Variants in TENM3 observed in about 807,000 individuals in gnomAD.
TENM3 encodes teneurin transmembrane protein 3.
Under a neutral mutation model 255.1 loss-of-function variants are expected in TENM3, and 63 were observed. The ratio of observed to expected loss-of-function variants is 0.25; its 90% CI spans 0.20 to 0.30. TENM3 has a LOEUF of 0.30. Ranked by LOEUF, TENM3 falls within the 10% of genes least tolerant of loss-of-function variation. The probability of loss-of-function intolerance (pLI) is 1.00; values close to 1 mark genes in which losing one functional copy is unlikely to be tolerated. For missense variants in TENM3, 2,929 were observed against 3,461.1 expected (o/e 0.85, Z 3.86); for synonymous variants, 1,306 against 1,322.3 (o/e 0.99, Z 0.27).
chr4:182,411,965 G>T (rs571092023), intron 3 of TENM3, among the ~76,000 whole-genome samples: 1 of 152,306 alleles, frequency 6.6e-6, no homozygotes, highest in South Asian at 2.1e-4. Context: ...GGGTCTACTG[G>T]ACTCTGGGTA....
At chr4:182,293,442 G>GTGTAGGTGAATTAGGTGGAATTAAAGTAA (rs1462011899) in intron 1 of TENM3, among the ~76,000 whole-genome samples, 1 of 152,204 alleles carries the variant, frequency 6.6e-6, no homozygotes, top group African/African-American at 2.4e-5. Flanking sequence ...TTACAGTAAA[G>GTGTAGGTGAATTAGGTGGAATTAAAGTAA]AGGGTGGAAG....
chr4:182,681,910 T>G lies in TENM3; in HGVS notation c.1931T>G (p.Leu644Arg), dbSNP rs2152566914. 6.2e-7 allele frequency: 1 copy of G among 1,614,008 alleles called. No individual in the cohort carries two copies. The highest frequency in any genetic ancestry group is 2.2e-5 in the East Asian group (1 of 44,882). Residue 644 changes from leucine to arginine, a missense_variant, in exon 11 of 28, where the codon CTG becomes CGG. Leu to Arg is a moderately radical substitution (Grantham distance 102). Transcript: ENST00000511685. ...PGWGGSNCEI[L>R]KTMCPDQCSG... ...TGGGGAGGTAGCAATTGTGAAATAC[T>G]GAAGACCATGTGTCCAGACCAGTGC...
intron 5 of TENM3, among the ~76,000 whole-genome samples, chr4:182,635,738 A>C (rs1751789773): frequency 6.6e-6 from 1 of 152,234 alleles, no homozygotes; most frequent in Admixed American, 6.5e-5. Flanking sequence ...CAACATAAGC[A>C]TTCCCTAGAT....
Position 182,753,031 on chromosome 4 carries a change from C to T in TENM3, c.3863-419C>T, listed in dbSNP as rs568278111. On this transcript the variant is annotated intron_variant, in intron 20 of 27. Transcript: ENST00000511685. ...GTGCGATCTCGGCTCACTGCAACCT[C>T]CGCCTCCCGGGTTCAAGCCATTCTT... Among the ~76,000 whole-genome samples, 113 of 150,180 alleles carry T rather than the reference C, an allele frequency of 7.5e-4. 3 individuals are homozygous for T. In the South Asian group the frequency reaches 0.023, roughly 31 times the overall value.
At chr4:182,428,465 T>C (rs10050018) in intron 3 of TENM3, among the ~76,000 whole-genome samples, 106,360 of 151,234 alleles carry the variant, frequency 0.7, 37,801 homozygotes, top group East Asian at 0.92. Flanking sequence ...CCACGTTCAC[T>C]TTCCCAAAGA....
At chr4:181,953,007 A>G in the TENM3 span, among the ~76,000 whole-genome samples, 2,644 of 152,272 alleles carry the variant, frequency 0.017, 57 homozygotes, top group Non-Finnish European at 0.029. Flanking sequence ...GATTGCACAT[A>G]TGTTATCTCA....
chr4:182,624,776 G>A (rs998253871), intron 4 of TENM3, among the ~76,000 whole-genome samples: 1 of 152,184 alleles, frequency 6.6e-6, no homozygotes, highest in Middle Eastern at 3.2e-3. Context: ...ACTAGAATGA[G>A]AGGATTGAGG....
intron 3 of TENM3, among the ~76,000 whole-genome samples, chr4:182,503,672 C>T (rs148079926): frequency 4.1e-4 from 62 of 152,222 alleles, no homozygotes; most frequent in African/African-American, 1.4e-3. Context: ...GGCAGAAACT[C>T]AAGGGAGGAC....
At chr4:182,206,221 C>G (rs1754566214) in intron 1 of TENM3, among the ~76,000 whole-genome samples, 1 of 152,198 alleles carries the variant, frequency 6.6e-6, no homozygotes, top group African/African-American at 2.4e-5. Context: ...CTCCTCAGAG[C>G]AGGTTTCCTG....
chr4:182,651,706 A>AG (rs1490740033), intron 5 of TENM3, among the ~76,000 whole-genome samples: 2 of 152,138 alleles, frequency 1.3e-5, no homozygotes, highest in Non-Finnish European at 2.9e-5. Context: ...CAGAAAAAAA[A>AG]AAGAAAATCA....
the TENM3 span, among the ~76,000 whole-genome samples, chr4:181,830,555 A>G: frequency 6.6e-6 from 1 of 152,068 alleles, no homozygotes; most frequent in Non-Finnish European, 1.5e-5. Context: ...GTACAGGCAT[A>G]AGCCACTGTG....
At chr4:182,137,164 G>A in the TENM3 span, among the ~76,000 whole-genome samples, 1 of 152,154 alleles carries the variant, frequency 6.6e-6, no homozygotes, top group Non-Finnish European at 1.5e-5. Context: ...CACTCAAACT[G>A]CACCAAATTG....
chr4:181,823,038 T>G, the TENM3 span, among the ~76,000 whole-genome samples: 2 of 152,208 alleles, frequency 1.3e-5, no homozygotes, highest in Admixed American at 1.3e-4. Flanking sequence ...AATGGATTAA[T>G]TGAGACAGAT....
chr4:182,643,722 GATTTT>G, intron 5 of TENM3, among the ~76,000 whole-genome samples: 1 of 152,256 alleles, frequency 6.6e-6, no homozygotes, highest in African/African-American at 2.4e-5. Flanking sequence ...GTCAGACTCT[GATTTT>G]ATTTTCTGCA....
At chr4:182,287,611 G>T (rs185041482) in intron 1 of TENM3, among the ~76,000 whole-genome samples, 4,228 of 151,052 alleles carry the variant, frequency 0.028, 200 homozygotes, top group African/African-American at 0.097. Flanking sequence ...TTCATTTATT[G>T]TTTATTTATT....
intron 3 of TENM3, among the ~76,000 whole-genome samples, chr4:182,513,244 T>G (rs1216085110): frequency 6.6e-6 from 1 of 152,106 alleles, no homozygotes; most frequent in East Asian, 1.9e-4. Context: ...AAAACCATAT[T>G]CGTACGGTGA....
At chr4:182,068,343 T>C in the TENM3 span, among the ~76,000 whole-genome samples, 1 of 151,904 alleles carries the variant, frequency 6.6e-6, no homozygotes, top group Non-Finnish European at 1.5e-5. Context: ...CTTCCCATTC[T>C]TGCAAATAAT....
At chr4:182,497,020 C>T (rs1444198153) in intron 3 of TENM3, among the ~76,000 whole-genome samples, 1 of 151,250 alleles carries the variant, frequency 6.6e-6, no homozygotes, top group African/African-American at 2.4e-5. Context: ...AAAGCAATTC[C>T]ATGTTATACT....
chr4:182,444,056 G>T (rs1316483132), intron 3 of TENM3, among the ~76,000 whole-genome samples: 2 of 152,144 alleles, frequency 1.3e-5, no homozygotes, highest in Non-Finnish European at 2.9e-5. Flanking sequence ...GTAAATCAAA[G>T]AAAGAATCAC....
Sources: gnomAD v4.1 joint callset for allele counts (sites outside exome capture counted in the v4.1 genomes callset) on GRCh38, gnomAD v4.1.1 for gene constraint, MANE v1.5 for transcripts, NCBI Gene and HGNC (gene_info 2026-07-23, HGNC 2026-07-21) for gene names.